Variants in MR1 observed in about 807,000 individuals in gnomAD.
The protein encoded by MR1 is major histocompatibility complex, class I-related.
Under a neutral mutation model 37.8 loss-of-function variants are expected in MR1, and 44 were observed. The ratio of observed to expected loss-of-function variants is 1.16; its 90% CI spans 0.91 to 1.50. MR1 has a LOEUF of 1.50. Ranked by LOEUF, MR1 falls within the 40% of genes most tolerant of loss-of-function variation. MR1 has a pLI of 0.00. For missense variants in MR1, 386 were observed against 419.1 expected (o/e 0.92, Z 0.69); for synonymous variants, 153 against 155.8 (o/e 0.98, Z 0.13).
Position 181,049,119 on chromosome 1 carries a change from T to G in MR1, c.135T>G (p.Ile45Met). Residue 45 changes from isoleucine (I) to methionine (M), a missense_variant, in exon 2 of 6, where the codon ATT becomes ATG. Ile to Met is a conservative substitution (Grantham distance 10). Coordinates refer to ENST00000367580, the MANE Select transcript of MR1 (RefSeq NM_001385161.1). Reference sequence around the variant, plus strand: ...CCATCCATGGGGTCCCTGAATTTATTTCGGTTGGGTACGTGGACTCGCACC... The same window carrying G: ...CCATCCATGGGGTCCCTGAATTTATGTCGGTTGGGTACGTGGACTCGCACC... ...SDPIHGVPEF[I>M]SVGYVDSHPI... 1 of 1,614,152 alleles carries G rather than the reference T, an allele frequency of 6.2e-7. No homozygotes were observed. The highest frequency in any genetic ancestry group is 8.5e-7 in the Non-Finnish European group (1 of 1,179,978).
intron 1 of MR1, among the ~76,000 whole-genome samples, chr1:181,042,276 C>T (rs1657596676): frequency 6.7e-6 from 1 of 149,678 alleles, no homozygotes; most frequent in Non-Finnish European, 1.5e-5. Flanking sequence ...GATCTCGGCT[C>T]ACCACAACCT....
intron 1 of MR1, among the ~76,000 whole-genome samples, chr1:181,046,513 C>G (rs997941730): frequency 5.3e-5 from 8 of 152,080 alleles, no homozygotes; most frequent in Non-Finnish European, 1.2e-4. Flanking sequence ...CTGGTGGGGA[C>G]GTGGAGAACC....
rs1658648677 is a variant in MR1 at position 181,056,901 on chromosome 1, C to G, written c.*1636C>G. 2.0e-5 allele frequency: 3 copies of G among 152,294 alleles called. No homozygotes were observed. The highest frequency in any genetic ancestry group is 4.4e-5 in the Non-Finnish European group (3 of 68,162). 9.4% of individuals were successfully genotyped at this position (152,294 alleles called of 1,614,324 possible). ...TTGGGAGGCTGAGGCAGGCGGATTC[C>G]CTGAGCTCAGGAGTTCAAGACCAGC... On this transcript the variant is annotated 3_prime_UTR_variant, in exon 6 of 6. Transcript: ENST00000367580.
At chr1:181,046,668 G>C (rs543432549) in intron 1 of MR1, among the ~76,000 whole-genome samples, 2 of 152,014 alleles carry the variant, frequency 1.3e-5, no homozygotes, top group Non-Finnish European at 2.9e-5. Flanking sequence ...CAACCGTCTC[G>C]GGTCCGCTTC....
At chr1:181,049,422 C>A in intron 2 of MR1, 110 bp downstream of exon 2, 1 of 1,366,298 alleles carries the variant, frequency 7.3e-7, no homozygotes, top group Non-Finnish European at 9.9e-7. Flanking sequence ...GTAGCTTTGG[C>A]AAAGCCTGAG....
At chr1:181,042,582 A>G (rs569221149) in intron 1 of MR1, among the ~76,000 whole-genome samples, 27 of 149,802 alleles carry the variant, frequency 1.8e-4, no homozygotes, top group African/African-American at 6.3e-4. Flanking sequence ...CAGGCAGATC[A>G]CCTGAGGTCG....
intron 1 of MR1, 30 bp from the exon 2 acceptor site, chr1:181,049,022 A>G (rs756311327): frequency 1.2e-6 from 2 of 1,603,454 alleles, no homozygotes; most frequent in South Asian, 1.1e-5. Context: ...CTGGGACCCT[A>G]CATGTCTTCC....
At position 181,057,334 on chromosome 1, in the gene MR1, T is replaced by C. The variant is rs1204692956; in HGVS notation, c.*2069T>C. The C allele has an allele frequency of 6.6e-6, 1 of 152,244 alleles. No homozygotes were observed. Among genetic ancestry groups the C allele is most frequent in the African/African-American group, 2.4e-5 (1 of 41,462 alleles). The allele number at this position is 152,244 out of a possible 1,614,324, so 9.4% of individuals were successfully genotyped here. Reference sequence around the variant, plus strand: ...CAATTTCCGTGCCACTTTTAAGCAGTGTTGCACTGTGAAGAGAATGTAGGC... The same window carrying C: ...CAATTTCCGTGCCACTTTTAAGCAGCGTTGCACTGTGAAGAGAATGTAGGC... On this transcript the variant is annotated 3_prime_UTR_variant, in exon 6 of 6. Coordinates refer to ENST00000367580, the MANE Select transcript of MR1 (RefSeq NM_001385161.1).
chr1:181,046,747 C>T (rs2102383605), intron 1 of MR1, among the ~76,000 whole-genome samples: 1 of 152,288 alleles, frequency 6.6e-6, no homozygotes, highest in South Asian at 2.1e-4. Flanking sequence ...TTTGGGTCCA[C>T]ACTGCCTTTA....
chr1:181,034,898 G>A (rs1657192863), intron 1 of MR1, among the ~76,000 whole-genome samples: 1 of 152,210 alleles, frequency 6.6e-6, no homozygotes, highest in South Asian at 2.1e-4. Flanking sequence ...TGGGTACAAT[G>A]TGTGTTACTT....
Position 181,059,894 on chromosome 1 carries a change from T to A in MR1, c.*4629T>A, listed in dbSNP as rs184182124. On this transcript the variant is annotated 3_prime_UTR_variant, in exon 6 of 6. Transcript: ENST00000367580. ...AAGAGCATGTAGTTGGGAGATATCA[T>A]TGTGGCCATTTTGGGAAAGATGCAA... is the stretch of plus-strand genomic sequence containing the variant. 1 of 152,204 alleles carries A rather than the reference T, an allele frequency of 6.6e-6. No homozygotes were observed. Among genetic ancestry groups the A allele is most frequent in the South Asian group, 2.1e-4 (1 of 4,826 alleles). 9.4% of individuals were successfully genotyped at this position (152,204 alleles called of 1,614,324 possible).
intron 1 of MR1, among the ~76,000 whole-genome samples, chr1:181,048,222 A>C (rs1658023486): frequency 7.5e-6 from 1 of 134,116 alleles, no homozygotes; most frequent in African/African-American, 3.1e-5. Flanking sequence ...ATCTCAAAAA[A>C]ATAAATAAAA....
chr1:181,052,639 T>G, intron 4 of MR1, 129 bp downstream of exon 4: 1 of 1,019,730 alleles, frequency 9.8e-7, no homozygotes, highest in Non-Finnish European at 1.4e-6. Context: ...ATGGGTCTTT[T>G]AAATAAGTGG....
At chr1:181,053,770 A>T (rs1000511820) in intron 5 of MR1, 93 bp downstream of exon 5, 6 of 924,944 alleles carry the variant, frequency 6.5e-6, no homozygotes, top group Admixed American at 6.1e-5. Flanking sequence ...TCCTCCATTC[A>T]GAAATGGCTT....
chr1:181,049,367 C>T (rs1198783066), intron 2 of MR1, 55 bp downstream of exon 2: 2 of 1,551,992 alleles, frequency 1.3e-6, no homozygotes, highest in Admixed American at 2.0e-5. Flanking sequence ...CCCGCAGAGA[C>T]CCCTGGGCTG....
chr1:181,055,324 C>T lies in MR1; in HGVS notation c.*59C>T, dbSNP rs751140746. On this transcript the variant is annotated 3_prime_UTR_variant, in exon 6 of 6. Transcript: ENST00000367580. ...TAGGAGCCATGTTATCCTCTGTCCC[C>T]CATAGAGTCAAGCCTAGTGCTTGAA... is the stretch of plus-strand genomic sequence containing the variant. 5.3e-6 allele frequency: 8 copies of T among 1,506,792 alleles called. No homozygotes were observed. The highest frequency in any genetic ancestry group is 5.5e-6 in the Non-Finnish European group (6 of 1,084,190). The allele number at this position is 1,506,792 out of a possible 1,614,324, so 93.3% of individuals were successfully genotyped here. A position where few individuals can be genotyped will look rare whatever the true frequency, so the allele number is the denominator to read the frequency against.
chr1:181,053,107 C>T (rs532787252), intron 4 of MR1, among the ~76,000 whole-genome samples: 4 of 151,024 alleles, frequency 2.6e-5, no homozygotes, highest in East Asian at 2.0e-4. Flanking sequence ...ACAACCCAGG[C>T]GCAGTGGCTC....
intron 1 of MR1, among the ~76,000 whole-genome samples, chr1:181,046,964 G>A (rs1657914391): frequency 6.6e-6 from 1 of 152,036 alleles, no homozygotes; most frequent in Non-Finnish European, 1.5e-5. Flanking sequence ...AACATCAGAA[G>A]GAAAAAACTC....
intron 5 of MR1, 55 bp from the exon 6 acceptor site, chr1:181,055,170 T>C (rs1658545490): frequency 6.4e-7 from 1 of 1,558,978 alleles, no homozygotes; most frequent in East Asian, 2.2e-5. Flanking sequence ...ATACTTTATT[T>C]TTGAGCTGTG....
Sources: gnomAD v4.1 joint callset for allele counts (sites outside exome capture counted in the v4.1 genomes callset) on GRCh38, gnomAD v4.1.1 for gene constraint, MANE v1.5 for transcripts, NCBI Gene and HGNC (gene_info 2026-07-23, HGNC 2026-07-21) for gene names.